RHOQ: variants seen among roughly 807,000 people sequenced by gnomAD.
The protein encoded by RHOQ is ras homolog family member Q.
RHOQ carries 7 observed loss-of-function variants against 25.8 expected under a neutral mutation model. The ratio of observed to expected loss-of-function variants is 0.27; its 90% confidence interval spans 0.15 to 0.51. The LOEUF (loss-of-function observed/expected upper bound fraction) is 0.51. Among genes scored for constraint, RHOQ ranks in the 20% least tolerant of loss-of-function variants. RHOQ has a pLI of 0.97. For synonymous variants in RHOQ, 97 were observed against 98.6 expected (o/e 0.98, Z 0.10); for missense variants, 165 against 260.6 (o/e 0.63, Z 2.53).
rs1368289387 is a variant in RHOQ at position 46,555,938 on chromosome 2, G to T, written c.201+12126G>T. Among the ~76,000 whole-genome samples the T allele has an allele frequency of 6.6e-6, 1 of 152,214 alleles. No individual in the cohort carries two copies. Among genetic ancestry groups the T allele is most frequent in the Non-Finnish European group, 1.5e-5 (1 of 68,038 alleles). On this transcript the variant is annotated intron_variant, in intron 2 of 4. Transcript: ENST00000238738. The surrounding 1 kb of genome is among the most constrained non-coding windows in gnomAD (Gnocchi z 4.3). ...GTAATTACTCAGAGAAATTGCTGGT[G>T]TGTCAAACTGCTTGATATGTAAGTT...
chr2:46,546,512 GTATATACA>G (rs1558680647), intron 2 of RHOQ, among the ~76,000 whole-genome samples: 1 of 18,756 alleles, frequency 5.3e-5, no homozygotes, highest in South Asian at 2.1e-3. Flanking sequence ...ATATATATAT[GTATATACA>G]TATATATATA....
At chr2:46,562,838 C>A (rs1668616590) in intron 2 of RHOQ, among the ~76,000 whole-genome samples, 1 of 152,176 alleles carries the variant, frequency 6.6e-6, no homozygotes, top group African/African-American at 2.4e-5. Context: ...TTTAAACCAG[C>A]AAAATTTCTC....
intron 2 of RHOQ, among the ~76,000 whole-genome samples, chr2:46,551,304 G>A (rs1458308564): frequency 6.6e-6 from 1 of 152,198 alleles, no homozygotes; most frequent in Non-Finnish European, 1.5e-5. Context: ...CAGGCATGCA[G>A]CAGTGGCTCC....
rs1335178008 is a variant in RHOQ at position 46,560,995 on chromosome 2, C to A, written c.202-15092C>A. ...ATGCATAGAGTGTCCTACTATAGAC[C>A]CCATAAACACACACACACACACACA... On this transcript the variant is annotated intron_variant, in intron 2 of 4. Coordinates refer to ENST00000238738, the MANE Select transcript of RHOQ (RefSeq NM_012249.4). Among the ~76,000 whole-genome samples, 9 of 126,370 alleles carry A rather than the reference C, an allele frequency of 7.1e-5. No individual in the cohort carries two copies. In the East Asian group the frequency reaches 1.6e-3, roughly 23 times the overall value. The allele number at this position is 126,370 out of a possible 152,430, so 82.9% of individuals were successfully genotyped here.
At chr2:46,571,328 C>A (rs1428001071) in intron 2 of RHOQ, among the ~76,000 whole-genome samples, 1 of 152,250 alleles carries the variant, frequency 6.6e-6, no homozygotes, top group Non-Finnish European at 1.5e-5. Context: ...CACGTTCCCA[C>A]ACCAGCCTGC....
At position 46,555,582 on chromosome 2, in the gene RHOQ, T is replaced by C. The variant is rs1449425271; in HGVS notation, c.201+11770T>C. ...AGCAGGTTATAGGTGGCGATTTGAA[T>C]ACATTGACCATTTAAGCAAAGTGGG... On this transcript the variant is annotated intron_variant, in intron 2 of 4. Coordinates refer to ENST00000238738, the MANE Select transcript of RHOQ (RefSeq NM_012249.4). The surrounding 1 kb of genome is among the most constrained non-coding windows in gnomAD (Gnocchi z 4.3). 2.0e-5 allele frequency among the ~76,000 whole-genome samples: 3 copies of C among 152,242 alleles called. No individual in the cohort carries two copies. Among genetic ancestry groups the C allele is most frequent in the African/African-American group, 4.8e-5 (2 of 41,458 alleles).
intron 2 of RHOQ, among the ~76,000 whole-genome samples, chr2:46,557,970 A>G (rs1428084670): frequency 6.6e-6 from 1 of 152,200 alleles, no homozygotes; most frequent in Non-Finnish European, 1.5e-5. Flanking sequence ...CATGTAGTGT[A>G]CTATGATTAT....
At chr2:46,550,852 G>C (rs1447787256) in intron 2 of RHOQ, among the ~76,000 whole-genome samples, 1 of 152,162 alleles carries the variant, frequency 6.6e-6, no homozygotes, top group African/African-American at 2.4e-5. Context: ...TCAATGCCTG[G>C]TGTGTGTTCC....
intron 2 of RHOQ, among the ~76,000 whole-genome samples, chr2:46,557,796 G>A (rs1450549629): frequency 6.6e-6 from 1 of 152,126 alleles, no homozygotes; most frequent in Non-Finnish European, 1.5e-5. Flanking sequence ...TGTTTATTTT[G>A]ATAACAAATA....
At chr2:46,547,224 G>C (rs1489983680) in intron 2 of RHOQ, among the ~76,000 whole-genome samples, 1 of 152,166 alleles carries the variant, frequency 6.6e-6, no homozygotes, top group African/African-American at 2.4e-5. Context: ...CATTGTATTT[G>C]AATAACAGCA....
chr2:46,570,380 C>A (rs949950360), intron 2 of RHOQ, among the ~76,000 whole-genome samples: 3 of 151,488 alleles, frequency 2.0e-5, no homozygotes, highest in Non-Finnish European at 4.4e-5. Flanking sequence ...GCAGAGGTGG[C>A]AGTGAGCCGA....
chr2:46,543,483 A>G (rs1667910254), intron 1 of RHOQ: 1 of 597,074 alleles, frequency 1.7e-6, no homozygotes, highest in African/African-American at 1.9e-5. Context: ...CTACTGCCCC[A>G]AGGCCCCGGG....
chr2:46,559,965 G>T (rs1168412783), intron 2 of RHOQ, among the ~76,000 whole-genome samples: 1 of 152,234 alleles, frequency 6.6e-6, no homozygotes, highest in African/African-American at 2.4e-5. Context: ...CATTCGGGAA[G>T]CCTAGTTCTG....
intron 2 of RHOQ, among the ~76,000 whole-genome samples, chr2:46,560,965 C>G (rs898883765): frequency 9.2e-5 from 14 of 151,564 alleles, no homozygotes; most frequent in African/African-American, 3.4e-4. Context: ...GTAGCCCTAT[C>G]TCAAATGCAT....
chr2:46,581,740 G>C lies in RHOQ; in HGVS notation c.*657G>C. The C allele has an allele frequency of 8.8e-7, 1 of 1,131,966 alleles. No individual in the cohort carries two copies. Among genetic ancestry groups the C allele is most frequent in the Non-Finnish European group, 1.2e-6 (1 of 832,250 alleles). 70.1% of individuals were successfully genotyped at this position (1,131,966 alleles called of 1,614,324 possible). A position where few individuals can be genotyped will look rare whatever the true frequency, so the allele number is the denominator to read the frequency against. On this transcript the variant is annotated 3_prime_UTR_variant, in exon 5 of 5. Transcript: ENST00000238738. ...ATAAGGTCATAACTGCATTTATCAT[G>C]AACACTAAAAATGTACACATTTTAG... is the stretch of plus-strand genomic sequence containing the variant.
chr2:46,545,310 G>C (rs1053966929), intron 2 of RHOQ, among the ~76,000 whole-genome samples: 3 of 152,196 alleles, frequency 2.0e-5, no homozygotes, highest in Non-Finnish European at 4.4e-5. Context: ...TGGTTGAAAA[G>C]AGGAAGCTTT....
rs1177517943 is a variant in RHOQ at position 46,581,805 on chromosome 2, T to C, written c.*722T>C. ...ACTGTAACAAGGCTTCTGGCAATTG[T>C]AGATTTAGTTTGACGCTCCCCAAAG... On this transcript the variant is annotated 3_prime_UTR_variant, in exon 5 of 5. Transcript: ENST00000238738. 8.1e-5 allele frequency: 46 copies of C among 567,716 alleles called. No homozygotes were observed. Among genetic ancestry groups the C allele is most frequent in the Admixed American group, 1.3e-4 (3 of 23,740 alleles). 35.2% of individuals were successfully genotyped at this position (567,716 alleles called of 1,614,324 possible).
At chr2:46,567,786 G>A (rs998722938) in intron 2 of RHOQ, among the ~76,000 whole-genome samples, 6 of 152,118 alleles carry the variant, frequency 3.9e-5, no homozygotes, top group African/African-American at 1.4e-4. Flanking sequence ...TCTGAGGGCC[G>A]TGGCTCATGC....
Position 46,555,308 on chromosome 2 carries a change from G to T in RHOQ, c.201+11496G>T, listed in dbSNP as rs1180295588. Among the ~76,000 whole-genome samples the T allele has an allele frequency of 1.3e-5, 2 of 152,212 alleles. No homozygotes were observed. The highest frequency in any genetic ancestry group is 4.8e-5 in the African/African-American group (2 of 41,452). ...TGGTTTTATTCATGTGTAAATCTTTGCTCCCCATGCAGATTGTAAACTCTT... is the reference window on the plus strand; with the variant it reads ...TGGTTTTATTCATGTGTAAATCTTTTCTCCCCATGCAGATTGTAAACTCTT... On this transcript the variant is annotated intron_variant, in intron 2 of 4. Transcript: ENST00000238738. This position sits in a 1 kb window ranked among gnomAD's most constrained non-coding sequence, Gnocchi z 4.3.
Sources: allele counts gnomAD v4.1 joint callset (sites outside exome capture counted in the v4.1 genomes callset), GRCh38; gene constraint gnomAD v4.1.1; non-coding constraint Gnocchi (gnomAD v3.1); transcripts MANE v1.5; gene names NCBI Gene and HGNC (gene_info 2026-07-23, HGNC 2026-07-21).